The following FRMPD2 variants were observed in gnomAD, a reference collection of about 807,000 sequenced individuals.
FRMPD2 encodes FERM and PDZ domain containing 2.
In FRMPD2, 96 loss-of-function variants were observed where a neutral mutation model predicts 140.1. The ratio of observed to expected loss-of-function variants is 0.69; its 90% confidence interval spans 0.58 to 0.81. FRMPD2 has a LOEUF of 0.81. Among genes scored for constraint, FRMPD2 ranks in the 40% least tolerant of loss-of-function variants. The probability of loss-of-function intolerance (pLI) is 0.00; values close to 1 mark genes in which losing one functional copy is unlikely to be tolerated. For missense variants in FRMPD2, 1,240 were observed against 1,447.4 expected (o/e 0.86, Z 2.32); for synonymous variants, 449 against 547.6 (o/e 0.82, Z 2.52).
intron 1 of FRMPD2, among the ~76,000 whole-genome samples, chr10:48,252,993 ACTCT>A (rs1166999503): frequency 2.0e-5 from 3 of 151,510 alleles, no homozygotes; most frequent in Non-Finnish European, 2.9e-5. Flanking sequence ...CATTTTTCTA[ACTCT>A]CTATAGCCAC....
In FRMPD2 at chr10:48,266,050, A is replaced by C. The variant is rs138622848; in HGVS notation, c.25+8493T>G. Among the ~76,000 whole-genome samples the C allele has an allele frequency of 4.8e-3, 730 of 152,320 alleles. 14 individuals carry two copies. Among genetic ancestry groups the C allele is most frequent in the African/African-American group, 0.016 (673 of 41,568 alleles). Reference sequence around the variant, plus strand: ...TTATGCAGCCACAAAAAAGAATGAGATAATGCCCCTTTCAGGAACATGGTT... The same window carrying C: ...TTATGCAGCCACAAAAAAGAATGAGCTAATGCCCCTTTCAGGAACATGGTT... On this transcript the variant is annotated intron_variant, in intron 1 of 28. Coordinates refer to ENST00000374201, the MANE Select transcript of FRMPD2 (RefSeq NM_001018071.4).
chr10:48,156,626 A>G lies in FRMPD2; in HGVS notation c.*696T>C, dbSNP rs782364029. On this transcript the variant is annotated 3_prime_UTR_variant, in exon 29 of 29. Transcript: ENST00000374201. ...AAGAAATGTTACAGTCCATGTAGGAAGTGCTATGATAGAAGCAGCTGGAGC... is the reference window on the plus strand; with the variant it reads ...AAGAAATGTTACAGTCCATGTAGGAGGTGCTATGATAGAAGCAGCTGGAGC... 1 of 200,910 alleles carries G rather than the reference A, an allele frequency of 5.0e-6. No individual in the cohort carries two copies. Among genetic ancestry groups the G allele is most frequent in the African/African-American group, 2.4e-5 (1 of 41,526 alleles). The allele number at this position is 200,910 out of a possible 1,614,324, so 12.4% of individuals were successfully genotyped here. A position where few individuals can be genotyped will look rare whatever the true frequency, so the allele number is the denominator to read the frequency against.
chr10:48,191,847 T>A (rs1017090410), intron 16 of FRMPD2, among the ~76,000 whole-genome samples: 1 of 152,218 alleles, frequency 6.6e-6, no homozygotes, highest in South Asian at 2.1e-4. Context: ...TTTTTACATA[T>A]AAATTTAAAT....
chr10:48,216,958 A>G (rs895642713), intron 12 of FRMPD2, among the ~76,000 whole-genome samples: 1 of 152,182 alleles, frequency 6.6e-6, no homozygotes, highest in South Asian at 2.1e-4. Context: ...GTTCAAGGGT[A>G]AGCAGTGACA....
chr10:48,264,816 G>T (rs11101276), intron 1 of FRMPD2, among the ~76,000 whole-genome samples: 7,088 of 152,074 alleles, frequency 0.047, 547 homozygotes, highest in African/African-American at 0.16. Context: ...GGGAAAACAA[G>T]TCACCTAGAA....
chr10:48,204,589 G>A (rs532785326), intron 14 of FRMPD2, among the ~76,000 whole-genome samples: 10 of 152,134 alleles, frequency 6.6e-5, no homozygotes, highest in Non-Finnish European at 1.3e-4. Context: ...AGTATTATAG[G>A]CATTGTCAGG....
intron 16 of FRMPD2, among the ~76,000 whole-genome samples, chr10:48,189,714 T>A (rs1406416532): frequency 6.6e-6 from 1 of 152,188 alleles, no homozygotes; most frequent in Non-Finnish European, 1.5e-5. Context: ...CCCTTGCTCA[T>A]GGCATTCCTT....
chr10:48,189,844 C>T (rs1838787757), intron 16 of FRMPD2, among the ~76,000 whole-genome samples: 1 of 152,222 alleles, frequency 6.6e-6, no homozygotes, highest in South Asian at 2.1e-4. Flanking sequence ...GAGCCTAACA[C>T]TGTGTTCGAG....
chr10:48,244,993 T>C, intron 3 of FRMPD2, 144 bp from the exon 4 acceptor site: 1 of 632,208 alleles, frequency 1.6e-6, no homozygotes, highest in Non-Finnish European at 2.8e-6. Context: ...TTAACCCTTG[T>C]TACCTCCTAC....
In FRMPD2 at chr10:48,192,831, A is replaced by G. The variant is rs763354849; in HGVS notation, c.2018T>C (p.Leu673Pro). The G allele has an allele frequency of 1.4e-5, 23 of 1,614,060 alleles. No individual in the cohort carries two copies. The East Asian group carries it at 5.1e-4, about 36-fold the overall frequency. The part of the protein sequence containing the change: ...SPAHQARSKP[L>P]IWIQRLSCSE... ...GCATGACAATCTCTGAATCCAAATG[A>G]GAGGCTTAGACCGGGCCTGGTGTGC... The change falls in exon 16 of 29, where the codon CTC (leucine) becomes CCC (proline). Residue 673 changes from leucine (L) to proline (P), a missense_variant. Coordinates refer to ENST00000374201, the MANE Select transcript of FRMPD2 (RefSeq NM_001018071.4).
intron 15 of FRMPD2, among the ~76,000 whole-genome samples, chr10:48,193,815 C>T (rs1588820739): frequency 6.6e-6 from 1 of 152,184 alleles, no homozygotes; most frequent in East Asian, 1.9e-4. Context: ...TCAAGGATAT[C>T]CATGGGCATA....
intron 16 of FRMPD2, 33 bp from the exon 17 acceptor site, chr10:48,187,325 T>C (rs770748495): frequency 3.8e-6 from 6 of 1,592,996 alleles, no homozygotes; most frequent in Non-Finnish European, 5.2e-6. Context: ...TTAGATAAGG[T>C]GGCCCACGGG....
intron 15 of FRMPD2, among the ~76,000 whole-genome samples, chr10:48,193,287 T>C (rs538374151): frequency 6.6e-6 from 1 of 152,162 alleles, no homozygotes; most frequent in Non-Finnish European, 1.5e-5. Flanking sequence ...CAAACATTCT[T>C]GTAGCAAATG....
chr10:48,170,432 C>T (rs1838209893), intron 26 of FRMPD2, among the ~76,000 whole-genome samples: 1 of 152,172 alleles, frequency 6.6e-6, no homozygotes, highest in African/African-American at 2.4e-5. Context: ...AACTGCATCC[C>T]ACTCTTCCTA....
intron 9 of FRMPD2, among the ~76,000 whole-genome samples, chr10:48,235,822 G>A (rs1282020578): frequency 6.7e-6 from 1 of 149,962 alleles, no homozygotes; most frequent in Non-Finnish European, 1.5e-5. Flanking sequence ...AGCTCAGGGT[G>A]AGACCAGCCA....
chr10:48,254,145 G>T (rs280605), intron 1 of FRMPD2, among the ~76,000 whole-genome samples: 7,803 of 152,050 alleles, frequency 0.051, 651 homozygotes, highest in African/African-American at 0.18. Context: ...TCCAGTTTTC[G>T]GCACCAACTC....
intron 27 of FRMPD2, among the ~76,000 whole-genome samples, chr10:48,164,261 G>A: frequency 6.6e-6 from 1 of 151,060 alleles, no homozygotes. Context: ...GAACCTGCTG[G>A]GTTCTCTGAT....
chr10:48,234,908 A>C (rs1433555478), intron 9 of FRMPD2, among the ~76,000 whole-genome samples: 1 of 152,134 alleles, frequency 6.6e-6, no homozygotes, highest in South Asian at 2.1e-4. Context: ...GCTGGCCCCC[A>C]TCACAGCAGG....
chr10:48,241,501 C>G (rs972167328), intron 5 of FRMPD2, among the ~76,000 whole-genome samples: 1 of 152,226 alleles, frequency 6.6e-6, no homozygotes, highest in Non-Finnish European at 1.5e-5. Flanking sequence ...GGGCCTGTCT[C>G]CAGCTGAGAC....
Sources: gnomAD v4.1 joint callset for allele counts (sites outside exome capture counted in the v4.1 genomes callset) on GRCh38, gnomAD v4.1.1 for gene constraint, MANE v1.5 for transcripts, NCBI Gene and HGNC (gene_info 2026-07-23, HGNC 2026-07-21) for gene names.